Variants in DNAJC10 observed in about 807,000 individuals in gnomAD.
The protein encoded by DNAJC10 is DnaJ heat shock protein family (Hsp40) member C10.
A neutral mutation model predicts 115.0 loss-of-function variants in DNAJC10; 101 were observed. That is an observed-to-expected ratio of 0.88 (90% confidence interval 0.75 to 1.04). DNAJC10 has a LOEUF of 1.04. Ranked by LOEUF, DNAJC10 falls within the 50% of genes least tolerant of loss-of-function variation. DNAJC10 has a pLI of 0.00. For synonymous variants in DNAJC10, 307 were observed against 301.5 expected, an observed-to-expected ratio of 1.02 and a Z score of -0.19; for missense variants, 981 against 928.8, an observed-to-expected ratio of 1.06 and a Z score of -0.73.
intron 5 of DNAJC10, among the ~76,000 whole-genome samples, chr2:182,722,949 TAA>T (rs1042734885): frequency 2.6e-5 from 4 of 151,438 alleles, no homozygotes; most frequent in African/African-American, 9.7e-5. Context: ...AAAATACATA[TAA>T]ATCTATATGT....
rs1275172964 is a variant in DNAJC10 at position 182,728,641 on chromosome 2, C to T, written c.484C>T (p.His162Tyr). 1.2e-6 allele frequency: 2 copies of T among 1,611,988 alleles called. No individual in the cohort carries two copies. Among genetic ancestry groups the T allele is most frequent in the East Asian group, 2.2e-5 (1 of 44,820 alleles). ...TTACTCCCCAGGCTGTTCACACTGC[C>T]ATGATTTAGCTCCCACAGTATGTAT... ...NFYSPGCSHC[H>Y]DLAPTWRDFA... The change falls in exon 6 of 24, where the codon CAT (histidine) becomes TAT (tyrosine). Residue 162 changes from histidine to tyrosine, a missense_variant. Transcript: ENST00000264065.
rs4018698 is a variant in DNAJC10 at position 182,793,820 on chromosome 2, TCACACACACACACACACACACACACACA to T, written c.*16706_*16733del. 3 of 135,636 alleles carry T rather than the reference TCACACACACACACACACACACACACACA, an allele frequency of 2.2e-5. No individual in the cohort carries two copies. The highest frequency in any genetic ancestry group is 5.8e-5 in the African/African-American group (2 of 34,424). 8.4% of individuals were successfully genotyped at this position (135,636 alleles called of 1,614,324 possible). ...TAAAATTTTCCAGAGAGGAAACACA[TCACACACACACACACACACACACACACA>T]CACACACACACACACACTACCTACA... On this transcript the variant is annotated 3_prime_UTR_variant, in exon 24 of 24. Transcript: ENST00000264065.
intron 11 of DNAJC10, among the ~76,000 whole-genome samples, chr2:182,739,179 T>C (rs1403766049): frequency 1.4e-5 from 2 of 138,030 alleles, no homozygotes; most frequent in African/African-American, 2.5e-5. Context: ...TATATATATA[T>C]AGTATATATC....
intron 11 of DNAJC10, among the ~76,000 whole-genome samples, chr2:182,737,926 A>C (rs1445009325): frequency 6.6e-6 from 1 of 152,230 alleles, no homozygotes; most frequent in African/African-American, 2.4e-5. Context: ...GGATGGATGG[A>C]TACAGATACG....
At chr2:182,724,676 G>A (rs936670080) in intron 5 of DNAJC10, among the ~76,000 whole-genome samples, 1 of 152,084 alleles carries the variant, frequency 6.6e-6, no homozygotes, top group African/African-American at 2.4e-5. Flanking sequence ...AATAGAAGCT[G>A]TTAACTGGAG....
At chr2:182,722,824 C>T (rs149777296) in intron 5 of DNAJC10, among the ~76,000 whole-genome samples, 118 of 152,046 alleles carry the variant, frequency 7.8e-4, no homozygotes, top group Non-Finnish European at 1.3e-3. Flanking sequence ...CCTGTAATCC[C>T]AGCTACTTGG....
At chr2:182,731,196 T>G in intron 9 of DNAJC10, 89 bp downstream of exon 9, 1 of 894,956 alleles carries the variant, frequency 1.1e-6, no homozygotes, top group Non-Finnish European at 1.7e-6. Context: ...AATTGATTAT[T>G]AAGTACTAGA....
intron 22 of DNAJC10, among the ~76,000 whole-genome samples, chr2:182,773,772 A>C (rs181421292): frequency 6.6e-6 from 1 of 152,282 alleles, no homozygotes; most frequent in African/African-American, 2.4e-5. Flanking sequence ...AATGGGTTCA[A>C]ACATCCTTCT....
intron 5 of DNAJC10, among the ~76,000 whole-genome samples, chr2:182,727,452 T>C (rs1693318816): frequency 6.6e-6 from 1 of 152,226 alleles, no homozygotes; most frequent in African/African-American, 2.4e-5. Flanking sequence ...CCTAAATTTG[T>C]ACTGGTTTGT....
chr2:182,752,343 G>C (rs1694045191), intron 16 of DNAJC10, among the ~76,000 whole-genome samples, 155 bp downstream of exon 16: 1 of 152,002 alleles, frequency 6.6e-6, no homozygotes, highest in Non-Finnish European at 1.5e-5. Flanking sequence ...TTTAGAAAGT[G>C]GTATCAAATA....
rs1169766874 is a variant in DNAJC10 at position 182,784,331 on chromosome 2, AC to A, written c.*7200del. The A allele has an allele frequency of 6.6e-6, 1 of 152,140 alleles. No homozygotes were observed. The highest frequency in any genetic ancestry group is 1.5e-5 in the Non-Finnish European group (1 of 68,040). 9.4% of individuals were successfully genotyped at this position (152,140 alleles called of 1,614,324 possible). A position where few individuals can be genotyped will look rare whatever the true frequency, so the allele number is the denominator to read the frequency against. On this transcript the variant is annotated 3_prime_UTR_variant, in exon 24 of 24. Transcript: ENST00000264065. Reference sequence around the variant, plus strand: ...GGAGTAAGACCCTGTCTAAAAAAAAACAAAACAACAAAAAAAATCATTTTGT... The same window carrying A: ...GGAGTAAGACCCTGTCTAAAAAAAAAAAAACAACAAAAAAAATCATTTTGT...
chr2:182,751,789 A>C lies in DNAJC10; in HGVS notation c.1434+4A>C. 1 of 1,610,868 alleles carries C rather than the reference A, an allele frequency of 6.2e-7. No homozygotes were observed. The highest frequency in any genetic ancestry group is 8.5e-7 in the Non-Finnish European group (1 of 1,179,394). On this transcript the variant is annotated splice_donor_region_variant and intron_variant, in intron 15 of 23. Coordinates refer to ENST00000264065, the MANE Select transcript of DNAJC10 (RefSeq NM_018981.4). ...GCTTGTTGATTTCTTTGCCCCCGTA[A>C]GTTATTTTTATCTGTCAGATTCTAA...
intron 9 of DNAJC10, 29 bp downstream of exon 9, chr2:182,731,136 TGA>T: frequency 6.5e-7 from 1 of 1,539,712 alleles, no homozygotes; most frequent in Non-Finnish European, 8.9e-7. Flanking sequence ...TTTGTTGGAA[TGA>T]GAACATGACA....
intron 22 of DNAJC10, among the ~76,000 whole-genome samples, chr2:182,765,027 G>T (rs984261845): frequency 6.6e-6 from 1 of 152,094 alleles, no homozygotes; most frequent in African/African-American, 2.4e-5. Context: ...ACCACTGGAT[G>T]GCCTCACACT....
At chr2:182,747,467 CT>C (rs946071743) in intron 14 of DNAJC10, among the ~76,000 whole-genome samples, 1 of 84,480 alleles carries the variant, frequency 1.2e-5, no homozygotes, top group Non-Finnish European at 2.4e-5. Context: ...AGTTGGATTC[CT>C]AGGTATTTTA....
chr2:182,756,593 A>C, intron 18 of DNAJC10, 124 bp downstream of exon 18: 1 of 910,944 alleles, frequency 1.1e-6, no homozygotes. Flanking sequence ...AGTACTGATC[A>C]TACCACTTTG....
intron 22 of DNAJC10, 116 bp downstream of exon 22, chr2:182,762,917 T>G (rs573886917): frequency 1.7e-6 from 2 of 1,166,016 alleles, no homozygotes; most frequent in South Asian, 3.8e-5. Flanking sequence ...TTTATATTAT[T>G]ACATATTACT....
chr2:182,751,857 AGAT>A, intron 15 of DNAJC10, 72 bp downstream of exon 15: 1 of 1,557,868 alleles, frequency 6.4e-7, no homozygotes, highest in South Asian at 1.2e-5. Context: ...GACATTTTCT[AGAT>A]AACTTTGAAT....
intron 14 of DNAJC10, among the ~76,000 whole-genome samples, chr2:182,747,102 GT>G (rs1693888173): frequency 6.6e-6 from 1 of 151,934 alleles, no homozygotes; most frequent in Non-Finnish European, 1.5e-5. Context: ...CTCTGTTTTG[GT>G]ACCAGTACCA....
Sources: allele counts gnomAD v4.1 joint callset (sites outside exome capture counted in the v4.1 genomes callset), GRCh38; gene constraint gnomAD v4.1.1; transcripts MANE v1.5; gene names NCBI Gene and HGNC (gene_info 2026-07-23, HGNC 2026-07-21).